Variants in AGXT2 observed in about 807,000 individuals in gnomAD.
The protein encoded by AGXT2 is alanine--glyoxylate aminotransferase 2, mitochondrial.
Under a neutral mutation model 62.5 loss-of-function variants are expected in AGXT2, and 61 were observed. The observed-to-expected ratio is 0.98, with a 90% CI of 0.79 to 1.21. The LOEUF (loss-of-function observed/expected upper bound fraction) is 1.21, where lower values mean the gene tolerates loss of function less well. AGXT2 is among the 50% of genes most tolerant of loss of function. The pLI is 0.00. For missense variants in AGXT2, 666 were observed against 641.5 expected, an observed-to-expected ratio of 1.04 and a Z score of -0.41; for synonymous variants, 243 against 218.7, an observed-to-expected ratio of 1.11 and a Z score of -0.98.
At chr5:35,008,106 A>C (rs1766501481) in intron 12 of AGXT2, among the ~76,000 whole-genome samples, 3 of 151,974 alleles carry the variant, frequency 2.0e-5, no homozygotes, top group Non-Finnish European at 4.4e-5. Flanking sequence ...AGCCAAATAA[A>C]CCTCTTTTCT....
At chr5:35,036,653 T>C (rs1477438010) in intron 4 of AGXT2, among the ~76,000 whole-genome samples, 2 of 152,206 alleles carry the variant, frequency 1.3e-5, no homozygotes, top group East Asian at 1.9e-4. Context: ...TGCTAAGATA[T>C]GGTGAAGAGA....
intron 1 of AGXT2, 51 bp downstream of exon 1, chr5:35,047,754 T>C (rs1406812824): frequency 1.2e-6 from 2 of 1,604,476 alleles, no homozygotes; most frequent in African/African-American, 2.7e-5. Flanking sequence ...GCTCAAGTCT[T>C]ACCCTCTCGC....
At chr5:35,039,144 A>G (rs115272713) in intron 3 of AGXT2, among the ~76,000 whole-genome samples, 180 bp downstream of exon 3, 114 of 152,320 alleles carry the variant, frequency 7.5e-4, no homozygotes, top group African/African-American at 2.7e-3. Context: ...CATTGTCAAG[A>G]AAGGAAAAGT....
intron 13 of AGXT2, among the ~76,000 whole-genome samples, chr5:35,002,734 A>G (rs1355322762): frequency 6.6e-6 from 1 of 151,782 alleles, no homozygotes; most frequent in Non-Finnish European, 1.5e-5. Context: ...AACTTCTATG[A>G]TGTATAAGCC....
At chr5:35,013,782 CAA>C (rs10588573) in intron 10 of AGXT2, among the ~76,000 whole-genome samples, 203 of 89,040 alleles carry the variant, frequency 2.3e-3, no homozygotes, top group Middle Eastern at 6.0e-3. Context: ...GACTCTGTCT[CAA>C]AAAAAAAAAA....
chr5:35,044,520 A>G (rs748340), intron 1 of AGXT2, among the ~76,000 whole-genome samples: 9,699 of 152,210 alleles, frequency 0.064, 580 homozygotes, highest in African/African-American at 0.16. Flanking sequence ...TGCATCCGCT[A>G]AGCAAAGCTG....
chr5:35,020,941 A>C (rs1295851060), intron 9 of AGXT2, among the ~76,000 whole-genome samples: 1 of 152,206 alleles, frequency 6.6e-6, no homozygotes, highest in Non-Finnish European at 1.5e-5. Flanking sequence ...AGACAAACAG[A>C]GAGCCAAATC....
At chr5:35,010,769 T>A (rs1157125051) in intron 11 of AGXT2, among the ~76,000 whole-genome samples, 3 of 152,156 alleles carry the variant, frequency 2.0e-5, no homozygotes, top group African/African-American at 7.2e-5. Flanking sequence ...TCCCAAGGCT[T>A]GTTATTGTCA....
At chr5:35,047,729 G>A in intron 1 of AGXT2, 76 bp downstream of exon 1, 4 of 1,554,736 alleles carry the variant, frequency 2.6e-6, no homozygotes, top group Non-Finnish European at 3.5e-6. Context: ...AGAATCCCAG[G>A]CAGCAGCCTT....
intron 7 of AGXT2, among the ~76,000 whole-genome samples, chr5:35,028,647 G>A (rs1370722471): frequency 6.8e-6 from 1 of 147,476 alleles, no homozygotes; most frequent in Admixed American, 6.8e-5. Flanking sequence ...AATAACAAAG[G>A]TCCCAGGTCA....
At chr5:35,031,612 T>C (rs1387429622) in intron 7 of AGXT2, among the ~76,000 whole-genome samples, 1 of 152,240 alleles carries the variant, frequency 6.6e-6, no homozygotes, top group African/African-American at 2.4e-5. Flanking sequence ...TGATGTTTCC[T>C]GCCTCCTCTC....
intron 1 of AGXT2, among the ~76,000 whole-genome samples, chr5:35,047,436 C>T (rs979574307): frequency 3.9e-5 from 6 of 152,074 alleles, no homozygotes; most frequent in Non-Finnish European, 8.8e-5. Flanking sequence ...GAGGGAGACC[C>T]TGTCTCAAAA....
At chr5:35,020,090 C>A (rs992028503) in intron 9 of AGXT2, among the ~76,000 whole-genome samples, 6 of 152,122 alleles carry the variant, frequency 3.9e-5, no homozygotes, top group African/African-American at 1.4e-4. Flanking sequence ...AATAGCTTAC[C>A]AACCAAAAAG....
intron 7 of AGXT2, 145 bp downstream of exon 7, chr5:35,032,587 T>G (rs569613574): frequency 3.1e-5 from 23 of 742,062 alleles, no homozygotes; most frequent in Non-Finnish European, 5.2e-5. Context: ...GAGGAATAAC[T>G]TGGTTACTTT....
At chr5:35,003,664 T>C (rs929060919) in intron 13 of AGXT2, 99 bp downstream of exon 13, 4 of 1,177,876 alleles carry the variant, frequency 3.4e-6, no homozygotes, top group Admixed American at 3.4e-5. Context: ...GCAACCAGCA[T>C]TAGGACATCT....
chr5:35,047,776 T>C (rs760568842), intron 1 of AGXT2, 29 bp downstream of exon 1: 1 of 1,613,168 alleles, frequency 6.2e-7, no homozygotes, highest in South Asian at 1.1e-5. Context: ...GATCCTCTAC[T>C]GACCCACGTC....
chr5:35,005,439 G>A (rs989635525), intron 12 of AGXT2, among the ~76,000 whole-genome samples: 3 of 152,148 alleles, frequency 2.0e-5, no homozygotes, highest in Non-Finnish European at 2.9e-5. Flanking sequence ...ATGTTGGCCA[G>A]GCTGGTCTCG....
rs1487477290 is a variant in AGXT2, at chr5:35,019,378, C to G, written c.964-5259G>C. 8.5e-4 allele frequency among the ~76,000 whole-genome samples: 126 copies of G among 149,060 alleles called. 1 individual carries two copies. The highest frequency in any genetic ancestry group is 2.9e-3 in the African/African-American group (117 of 40,454). ...ACAGAAATTATAACAAACTATCTCTCAGACCACAGTGCAATCAAACTAGAA... is the reference window on the plus strand; with the variant it reads ...ACAGAAATTATAACAAACTATCTCTGAGACCACAGTGCAATCAAACTAGAA... On this transcript the variant is annotated intron_variant, in intron 9 of 13. Coordinates refer to ENST00000231420, the MANE Select transcript of AGXT2 (RefSeq NM_031900.4).
Position 34,998,403 on chromosome 5 carries a change from C to G in AGXT2, c.*316G>C. 2.9e-6 allele frequency: 1 copy of G among 343,148 alleles called. No individual in the cohort carries two copies. The highest frequency in any genetic ancestry group is 5.4e-6 in the Non-Finnish European group (1 of 186,672). The allele number at this position is 343,148 out of a possible 1,614,324, so 21.3% of individuals were successfully genotyped here. A position where few individuals can be genotyped will look rare whatever the true frequency, so the allele number is the denominator to read the frequency against. On this transcript the variant is annotated 3_prime_UTR_variant, in exon 14 of 14. Transcript: ENST00000231420. The stretch of plus-strand genomic sequence containing the variant: ...CCAAAAGATTTTTCTTCAAGATTCA[C>G]TGGACAAAAATACATCACATATTCA...
Sources: gnomAD v4.1 joint callset for allele counts (sites outside exome capture counted in the v4.1 genomes callset) on GRCh38, gnomAD v4.1.1 for gene constraint, MANE v1.5 for transcripts, NCBI Gene and HGNC (gene_info 2026-07-23, HGNC 2026-07-21) for gene names.